The following CTNNA2 variants were observed in gnomAD, a reference collection of about 807,000 sequenced individuals.
CTNNA2 encodes the protein catenin alpha-2.
Under a neutral mutation model 101.0 loss-of-function variants are expected in CTNNA2, and 42 were observed. That is an observed-to-expected ratio of 0.42 (90% CI 0.32 to 0.54). The LOEUF (loss-of-function observed/expected upper bound fraction) is 0.54. CTNNA2 is among the 20% of genes least tolerant of loss of function. The probability of loss-of-function intolerance (pLI) is 0.14; values close to 1 mark genes in which losing one functional copy is unlikely to be tolerated. For synonymous variants in CTNNA2, 450 were observed against 456.4 expected, an observed-to-expected ratio of 0.99 and a Z score of 0.18; for missense variants, 871 against 1,223.1, an observed-to-expected ratio of 0.71 and a Z score of 4.29.
At chr2:80,239,653 T>C (rs2149088738) in intron 7 of CTNNA2, among the ~76,000 whole-genome samples, 1 of 152,244 alleles carries the variant, frequency 6.6e-6, no homozygotes, top group Middle Eastern at 3.4e-3. Context: ...GGCTCACATC[T>C]GTAATCCCAG....
intron 7 of CTNNA2, among the ~76,000 whole-genome samples, chr2:80,202,707 A>G (rs1041841302): frequency 1.3e-5 from 2 of 151,982 alleles, no homozygotes; most frequent in Non-Finnish European, 2.9e-5. Flanking sequence ...CTATGGAGCA[A>G]AGAACTTTGT....
At chr2:80,355,846 G>T (rs1482110393) in intron 7 of CTNNA2, among the ~76,000 whole-genome samples, 1 of 151,982 alleles carries the variant, frequency 6.6e-6, no homozygotes, top group Non-Finnish European at 1.5e-5. Context: ...AATTTTTACT[G>T]CCCAGAGGTT....
At chr2:79,502,003 T>G (rs1671325728) in intron 4 of CTNNA2, among the ~76,000 whole-genome samples, 5 of 149,736 alleles carry the variant, frequency 3.3e-5, no homozygotes, top group Admixed American at 2.7e-4. Context: ...GCCCTGCAAT[T>G]ACCTCCCCTA....
intron 7 of CTNNA2, chr2:80,305,289 A>G: frequency 1.0e-6 from 1 of 985,346 alleles, no homozygotes; most frequent in African/African-American, 1.7e-5. Context: ...AAGCCATCCA[A>G]GTCCCGGTGG....
intron 6 of CTNNA2, among the ~76,000 whole-genome samples, chr2:79,896,407 T>C (rs958931813): frequency 3.3e-5 from 5 of 152,302 alleles, no homozygotes; most frequent in Admixed American, 1.3e-4. Flanking sequence ...TAAATGTACA[T>C]ATCTAACTAA....
At chr2:79,760,195 A>G (rs1045658826) in intron 3 of CTNNA2, among the ~76,000 whole-genome samples, 2 of 152,222 alleles carry the variant, frequency 1.3e-5, no homozygotes, top group Admixed American at 6.5e-5. Context: ...TGATAGATAG[A>G]AAGCATTATG....
At chr2:80,341,186 T>C (rs1166863858) in intron 7 of CTNNA2, among the ~76,000 whole-genome samples, 2 of 152,144 alleles carry the variant, frequency 1.3e-5, no homozygotes, top group Non-Finnish European at 2.9e-5. Flanking sequence ...TTTCATCATA[T>C]AGGCATGATT....
chr2:80,411,916 C>T (rs1327652577), intron 8 of CTNNA2, among the ~76,000 whole-genome samples: 2 of 152,090 alleles, frequency 1.3e-5, no homozygotes, highest in Non-Finnish European at 2.9e-5. Flanking sequence ...TATTAATATT[C>T]CCCAATGCTT....
intron 2 of CTNNA2, among the ~76,000 whole-genome samples, chr2:79,699,234 G>A (rs1296214068): frequency 3.9e-5 from 6 of 152,010 alleles, no homozygotes; most frequent in Admixed American, 3.9e-4. Context: ...ATAGACTGAT[G>A]AGCGTAAATG....
chr2:79,648,665 T>C (rs1558801420), intron 1 of CTNNA2, among the ~76,000 whole-genome samples: 1 of 152,150 alleles, frequency 6.6e-6, no homozygotes, highest in African/African-American at 2.4e-5. Context: ...AAATGCCCCT[T>C]AGAGGCAACT....
rs187515470 is a variant in CTNNA2, at chr2:79,312,407, A to G, written c.-405-302A>G. Reference sequence around the variant, plus strand: ...TTCTTCTTGACCCTTCATAGTGTGTATACTCTGTCTTTCCTAACCACGCCG... The same window carrying G: ...TTCTTCTTGACCCTTCATAGTGTGTGTACTCTGTCTTTCCTAACCACGCCG... On this transcript the variant is annotated intron_variant, in intron 2 of 21. Coordinates refer to the CTNNA2 transcript ENST00000466387. Among the ~76,000 whole-genome samples the G allele has an allele frequency of 1.4e-4, 21 of 152,264 alleles. No homozygotes were observed. The South Asian group carries it at 3.9e-3, about 29-fold the overall frequency.
chr2:79,253,705 C>A (rs1314619292), intron 2 of CTNNA2, among the ~76,000 whole-genome samples: 1 of 152,190 alleles, frequency 6.6e-6, no homozygotes, highest in East Asian at 1.9e-4. Context: ...CATTTATATT[C>A]ATTTGTCCAA....
intron 18 of CTNNA2, among the ~76,000 whole-genome samples, chr2:80,622,157 G>T (rs952095036): frequency 1.3e-5 from 2 of 151,918 alleles, no homozygotes; most frequent in Non-Finnish European, 1.5e-5. Context: ...TGTACTAGAG[G>T]AGATACATGT....
chr2:80,280,374 A>G (rs772505222), intron 7 of CTNNA2, among the ~76,000 whole-genome samples: 1 of 151,348 alleles, frequency 6.6e-6, no homozygotes, highest in Non-Finnish European at 1.5e-5. Flanking sequence ...GTCTATACAT[A>G]TCAACTTAAA....
intron 2 of CTNNA2, among the ~76,000 whole-genome samples, chr2:79,271,532 G>T (rs1675083368): frequency 6.6e-6 from 1 of 152,058 alleles, no homozygotes; most frequent in Non-Finnish European, 1.5e-5. Flanking sequence ...TAGCTTTTTG[G>T]TATGTGTGCA....
chr2:79,524,976 G>T (rs1183513906), intron 1 of CTNNA2, among the ~76,000 whole-genome samples: 1 of 151,650 alleles, frequency 6.6e-6, no homozygotes, highest in African/African-American at 2.4e-5. Flanking sequence ...ATAGAGTTGA[G>T]TGAATAATGA....
At chr2:79,273,067 C>T (rs892059885) in intron 2 of CTNNA2, among the ~76,000 whole-genome samples, 20 of 151,072 alleles carry the variant, frequency 1.3e-4, no homozygotes, top group African/African-American at 4.9e-4. Context: ...ATTTGCTTGT[C>T]TTTTTTTTTA....
At chr2:79,719,647 A>C (rs1390868680) in intron 2 of CTNNA2, among the ~76,000 whole-genome samples, 1 of 152,280 alleles carries the variant, frequency 6.6e-6, no homozygotes, top group East Asian at 1.9e-4. Flanking sequence ...TACGATGATT[A>C]ATGATGATGA....
intron 7 of CTNNA2, among the ~76,000 whole-genome samples, chr2:80,087,594 G>A (rs1198244739): frequency 6.6e-6 from 1 of 152,018 alleles, no homozygotes; most frequent in African/African-American, 2.4e-5. Flanking sequence ...CTGCTCTCTG[G>A]AGTGAGCAGG....
Sources: allele counts gnomAD v4.1 joint callset (sites outside exome capture counted in the v4.1 genomes callset), GRCh38; gene constraint gnomAD v4.1.1; transcripts MANE v1.5; gene names NCBI Gene and HGNC (gene_info 2026-07-23, HGNC 2026-07-21).